Variants in SLC26A7 observed in about 807,000 individuals in gnomAD.
SLC26A7 encodes solute carrier family 26 member 7.
In SLC26A7, 59 loss-of-function variants were observed where a neutral mutation model predicts 82.5. The observed-to-expected ratio is 0.72, with a 90% CI of 0.58 to 0.89. SLC26A7 has a LOEUF of 0.89. Among genes scored for constraint, SLC26A7 ranks in the 40% least tolerant of loss-of-function variants. SLC26A7 has a pLI of 0.00. For missense variants in SLC26A7, 820 were observed against 793.0 expected, an observed-to-expected ratio of 1.03 and a Z score of -0.41; for synonymous variants, 271 against 274.3, an observed-to-expected ratio of 0.99 and a Z score of 0.12.
Position 91,352,923 on chromosome 8 carries a change from T to A in SLC26A7, c.1241T>A (p.Val414Asp), listed in dbSNP as rs1813759031. 1 of 1,607,558 alleles carries A rather than the reference T, an allele frequency of 6.2e-7. No individual in the cohort carries two copies. Among genetic ancestry groups the A allele is most frequent in the Non-Finnish European group, 8.5e-7 (1 of 1,177,144 alleles). ...TAGTGTGTCCTTGCAAGCATTATTG[T>A]TGTGGGACTGAAGGGAATGCTAATA... The part of the protein sequence containing the change: ...LPMCVLASII[V>D]VGLKGMLIQF... Residue 414 changes from valine to aspartate, a missense_variant, in exon 11 of 19, where the codon GTT becomes GAT. By Grantham distance (152) the Val-to-Asp change is radical. Coordinates refer to ENST00000276609, the MANE Select transcript of SLC26A7 (RefSeq NM_052832.4).
intron 6 of SLC26A7, among the ~76,000 whole-genome samples, chr8:91,337,681 T>C (rs1813280967): frequency 6.6e-6 from 1 of 152,196 alleles, no homozygotes; most frequent in Non-Finnish European, 1.5e-5. Flanking sequence ...TCAAGGAGAC[T>C]GTAAATCATC....
upstream of SLC26A7, among the ~76,000 whole-genome samples, chr8:91,248,526 T>G (rs564162290): frequency 9.5e-4 from 145 of 152,274 alleles, no homozygotes; most frequent in African/African-American, 3.3e-3. Context: ...TTGGTTTAAT[T>G]CCAATGGCAC....
chr8:91,221,158 A>G lies in SLC26A7; in HGVS notation c.-34+2153A>G, dbSNP rs904771753. On this transcript the variant is annotated intron_variant, in intron 2 of 5. Coordinates refer to the SLC26A7 transcript ENST00000522862. Reference sequence around the variant, plus strand: ...TTCTTCATATGTTTGTTGGCCACATAAATGTCTTCTTTTGAGAAGCATCTG... The same window carrying G: ...TTCTTCATATGTTTGTTGGCCACATGAATGTCTTCTTTTGAGAAGCATCTG... Among the ~76,000 whole-genome samples the G allele has an allele frequency of 3.3e-5, 5 of 152,190 alleles. No homozygotes were observed. In the East Asian group the frequency reaches 9.6e-4, roughly 29 times the overall value.
chr8:91,269,794 C>G (rs1211250741), intron 2 of SLC26A7, among the ~76,000 whole-genome samples: 1 of 151,772 alleles, frequency 6.6e-6, no homozygotes, highest in Non-Finnish European at 1.5e-5. Flanking sequence ...TCCTTTTTCT[C>G]TTTTGATTGG....
In SLC26A7 at chr8:91,320,531, G is replaced by A. The variant is rs192926622; in HGVS notation, c.642+2151G>A. Among the ~76,000 whole-genome samples the A allele has an allele frequency of 3.6e-3, 541 of 152,270 alleles. 1 individual carries two copies. Among genetic ancestry groups the A allele is most frequent in the Non-Finnish European group, 6.6e-3 (451 of 68,010 alleles). On this transcript the variant is annotated intron_variant, in intron 5 of 18. Transcript: ENST00000276609. ...TTGATATTGCAATGCCAAAAATTCT[G>A]GTGATCTGAGTGTTAGATTAAGAAA... is the stretch of plus-strand genomic sequence containing the variant.
chr8:91,280,196 C>T (rs1270986858), intron 2 of SLC26A7, among the ~76,000 whole-genome samples: 1 of 152,176 alleles, frequency 6.6e-6, no homozygotes, highest in African/African-American at 2.4e-5. Context: ...TGTCATGGAG[C>T]TTTTCCACAA....
At chr8:91,375,185 A>T (rs529475149) in intron 15 of SLC26A7, among the ~76,000 whole-genome samples, 1 of 152,132 alleles carries the variant, frequency 6.6e-6, no homozygotes, top group South Asian at 2.1e-4. Context: ...TTAAAAAAAA[A>T]TCCATTTTGC....
intron 7 of SLC26A7, among the ~76,000 whole-genome samples, chr8:91,338,652 G>A (rs1261055013): frequency 3.3e-5 from 5 of 152,066 alleles, no homozygotes; most frequent in Admixed American, 6.6e-5. Flanking sequence ...CCTAGGCCTG[G>A]GTAGTATATA....
chr8:91,264,879 CA>C (rs138503351), intron 2 of SLC26A7, among the ~76,000 whole-genome samples: 1,652 of 152,104 alleles, frequency 0.011, 18 homozygotes, highest in South Asian at 0.03. Context: ...AGATCTTCAT[CA>C]TTTTTTTGTG....
chr8:91,279,125 G>GTGTATA (rs1382744780), intron 2 of SLC26A7, among the ~76,000 whole-genome samples: 134 of 111,242 alleles, frequency 1.2e-3, no homozygotes, highest in African/African-American at 4.4e-3. Flanking sequence ...GTGTGTGTGT[G>GTGTATA]TATATATATA....
intron 6 of SLC26A7, among the ~76,000 whole-genome samples, chr8:91,337,310 A>G (rs1813270149): frequency 6.6e-6 from 1 of 152,116 alleles, no homozygotes; most frequent in Non-Finnish European, 1.5e-5. Flanking sequence ...TTTTCTGGCC[A>G]TGTATATTGT....
At chr8:91,255,721 T>C (rs140622780) in intron 2 of SLC26A7, among the ~76,000 whole-genome samples, 195 of 152,262 alleles carry the variant, frequency 1.3e-3, no homozygotes, top group African/African-American at 4.6e-3. Flanking sequence ...ACTCCTGTTT[T>C]ATTTTTCTTT....
chr8:91,290,220 A>G (rs1811826892), intron 3 of SLC26A7, among the ~76,000 whole-genome samples: 2 of 152,204 alleles, frequency 1.3e-5, no homozygotes, highest in South Asian at 4.1e-4. Flanking sequence ...TCAGCCTCTA[A>G]GTAATAATAT....
intron 3 of SLC26A7, among the ~76,000 whole-genome samples, chr8:91,294,527 C>T (rs141533009): frequency 1.8e-4 from 27 of 152,158 alleles, no homozygotes; most frequent in African/African-American, 6.3e-4. Context: ...GTTGGGTTGT[C>T]TACATGTTGA....
At position 91,395,325 on chromosome 8, in the gene SLC26A7, G is replaced by A; in HGVS notation, c.*228G>A. 8.6e-7 allele frequency: 1 copy of A among 1,166,164 alleles called. No individual in the cohort carries two copies. The highest frequency in any genetic ancestry group is 2.3e-5 in the South Asian group (1 of 42,776). The allele number at this position is 1,166,164 out of a possible 1,614,324, so 72.2% of individuals were successfully genotyped here. A position where few individuals can be genotyped will look rare whatever the true frequency, so the allele number is the denominator to read the frequency against. On this transcript the variant is annotated 3_prime_UTR_variant, in exon 19 of 19. Transcript: ENST00000276609. ...AGTTATTTTATGTAAAAATCAGTAT[G>A]TGTTTAGTTTTAGTGTACTGAAGGG...
chr8:91,390,325 T>G (rs1024547317), intron 16 of SLC26A7, among the ~76,000 whole-genome samples: 11 of 152,166 alleles, frequency 7.2e-5, no homozygotes, highest in Admixed American at 2.0e-4. Context: ...CACCATGCTA[T>G]CCAGGATGGT....
rs1810610805 is a variant in SLC26A7 at position 91,249,813 on chromosome 8, G to A, written c.162G>A (p.Gly54=). The A allele has an allele frequency of 6.2e-7, 1 of 1,607,664 alleles. No individual in the cohort carries two copies. The highest frequency in any genetic ancestry group is 1.7e-5 in the Admixed American group (1 of 58,592). Residue 54 remains glycine, a synonymous_variant, in exon 2 of 19, where the codon GGG becomes GGA. Transcript: ENST00000276609. ...ACTTGCTTCCAGACACTGTGTCTGG[G>A]ATAATGTTGGCAGTTCAACAGGTGA... The part of the protein sequence containing the change: ...KENLLPDTVS[G]IMLAVQQVTQ...
At chr8:91,360,123 T>C (rs1445300115) in intron 11 of SLC26A7, among the ~76,000 whole-genome samples, 9 of 152,164 alleles carry the variant, frequency 5.9e-5, no homozygotes, top group Admixed American at 5.9e-4. Context: ...AGCTGAACAT[T>C]GGATACAGAA....
intron 2 of SLC26A7, among the ~76,000 whole-genome samples, chr8:91,275,989 G>A (rs1187253815): frequency 6.6e-6 from 1 of 152,074 alleles, no homozygotes; most frequent in Non-Finnish European, 1.5e-5. Flanking sequence ...AATCCTCTCT[G>A]AAAATAACTG....
Sources: allele counts gnomAD v4.1 joint callset (sites outside exome capture counted in the v4.1 genomes callset), GRCh38; gene constraint gnomAD v4.1.1; transcripts MANE v1.5; gene names NCBI Gene and HGNC (gene_info 2026-07-23, HGNC 2026-07-21).